ZNF385D: variants seen among roughly 807,000 people sequenced by gnomAD.
ZNF385D encodes zinc finger protein 385D, also known as zinc finger protein 659.
A neutral mutation model predicts 35.8 loss-of-function variants in ZNF385D; 15 were observed. The observed-to-expected ratio is 0.42, with a 90% CI of 0.28 to 0.64. The LOEUF (loss-of-function observed/expected upper bound fraction) is 0.64. Among genes scored for constraint, ZNF385D ranks in the 30% least tolerant of loss-of-function variants. The probability of loss-of-function intolerance (pLI) is 0.23; values close to 1 mark genes in which losing one functional copy is unlikely to be tolerated. For synonymous variants in ZNF385D, 212 were observed against 186.8 expected (o/e 1.13, Z -1.10); for missense variants, 474 against 494.6 (o/e 0.96, Z 0.39).
At chr3:21,600,155 G>A (rs1177427633) in intron 2 of ZNF385D, among the ~76,000 whole-genome samples, 1 of 152,132 alleles carries the variant, frequency 6.6e-6, no homozygotes, top group Non-Finnish European at 1.5e-5. Flanking sequence ...TCCAGCCCCT[G>A]TTTAGCATAA....
intron 3 of ZNF385D, among the ~76,000 whole-genome samples, chr3:21,994,717 T>C (rs1288914305): frequency 1.3e-5 from 2 of 152,232 alleles, no homozygotes; most frequent in Non-Finnish European, 1.5e-5. Context: ...TATAGATGTA[T>C]CAATAGTGCT....
At chr3:22,076,069 T>A (rs1054602157) in intron 3 of ZNF385D, among the ~76,000 whole-genome samples, 3 of 151,934 alleles carry the variant, frequency 2.0e-5, no homozygotes, top group Non-Finnish European at 2.9e-5. Flanking sequence ...TAAACTACTG[T>A]AATTTTTTTT....
chr3:22,121,467 T>C lies in ZNF385D; in HGVS notation c.325+47350A>G, dbSNP rs1181243572. Among the ~76,000 whole-genome samples, 3 of 152,174 alleles carry C rather than the reference T, an allele frequency of 2.0e-5. No homozygotes were observed. The East Asian group carries it at 5.8e-4, about 29-fold the overall frequency. ...AATATGATGTAAATGGAAAAAGGTA[T>C]TGATTAAAGAACCTTAAAATGGTAA... On this transcript the variant is annotated intron_variant, in intron 3 of 5. Coordinates refer to the ZNF385D transcript ENST00000494108.
At chr3:22,132,801 T>C (rs1025644729) in intron 3 of ZNF385D, among the ~76,000 whole-genome samples, 3 of 152,284 alleles carry the variant, frequency 2.0e-5, no homozygotes, top group African/African-American at 7.2e-5. Flanking sequence ...TATACTTAAT[T>C]GTGATTTCTT....
intron 1 of ZNF385D, among the ~76,000 whole-genome samples, chr3:21,746,062 A>AAC (rs1198035119): frequency 1.3e-5 from 2 of 152,146 alleles, no homozygotes; most frequent in Non-Finnish European, 1.5e-5. Flanking sequence ...TCCAGTATTA[A>AAC]ACACACACAC....
intron 3 of ZNF385D, among the ~76,000 whole-genome samples, chr3:21,855,732 A>C (rs1432868862): frequency 6.6e-6 from 1 of 152,082 alleles, no homozygotes; most frequent in African/African-American, 2.4e-5. Flanking sequence ...AGGTGATATT[A>C]AAGTAAATTT....
At chr3:22,344,087 A>G (rs1695542665) in intron 2 of ZNF385D, among the ~76,000 whole-genome samples, 1 of 151,794 alleles carries the variant, frequency 6.6e-6, no homozygotes, top group African/African-American at 2.4e-5. Context: ...TATATTGTAT[A>G]TCAGTCCTGT....
intron 3 of ZNF385D, among the ~76,000 whole-genome samples, chr3:21,964,861 T>C (rs775180690): frequency 2.0e-5 from 3 of 152,164 alleles, no homozygotes; most frequent in Non-Finnish European, 2.9e-5. Flanking sequence ...CTATTCTTAT[T>C]ATAAATATAT....
At chr3:22,044,766 C>A (rs1375305630) in intron 3 of ZNF385D, among the ~76,000 whole-genome samples, 1 of 151,866 alleles carries the variant, frequency 6.6e-6, no homozygotes, top group Non-Finnish European at 1.5e-5. Flanking sequence ...GTCTTTTCTT[C>A]CAAGATCTTC....
chr3:22,044,828 G>A (rs1399129438), intron 3 of ZNF385D, among the ~76,000 whole-genome samples: 4 of 152,026 alleles, frequency 2.6e-5, no homozygotes, highest in Admixed American at 6.6e-5. Context: ...TGAGAAATGG[G>A]AGGAGGAGAG....
intron 1 of ZNF385D, among the ~76,000 whole-genome samples, chr3:21,730,116 A>C (rs1292740620): frequency 6.6e-6 from 1 of 152,222 alleles, no homozygotes; most frequent in Non-Finnish European, 1.5e-5. Context: ...AGACACACGC[A>C]TCCAGGGATT....
chr3:21,725,547 A>G (rs1258170479), intron 1 of ZNF385D, among the ~76,000 whole-genome samples: 1 of 152,244 alleles, frequency 6.6e-6, no homozygotes, highest in African/African-American at 2.4e-5. Context: ...AGAGAACAGT[A>G]TAAACACTCC....
Position 22,046,241 on chromosome 3 carries a change from TTAGA to T in ZNF385D, c.325+122572_325+122575del, listed in dbSNP as rs140080076. 7.6e-3 allele frequency among the ~76,000 whole-genome samples: 1,161 copies of T among 152,218 alleles called. 31 individuals carry two copies. The highest frequency in any genetic ancestry group is 0.075 in the East Asian group (387 of 5,168). On this transcript the variant is annotated intron_variant, in intron 3 of 5. Transcript: ENST00000494108. ...AAGCACCAACACACATTTTTGTAGA[TTAGA>T]TAAACTTCTATTTTCTAAAACTGCT...
At chr3:21,706,280 T>A (rs1391137892) in intron 1 of ZNF385D, among the ~76,000 whole-genome samples, 4 of 152,086 alleles carry the variant, frequency 2.6e-5, no homozygotes, top group African/African-American at 9.7e-5. Context: ...TTTTTTTTCC[T>A]AATAGCTTGA....
chr3:22,189,850 G>C (rs1338163339), intron 2 of ZNF385D, among the ~76,000 whole-genome samples: 1 of 152,132 alleles, frequency 6.6e-6, no homozygotes, highest in Admixed American at 6.6e-5. Flanking sequence ...CTTGTGTCCT[G>C]TTGAAAGTGT....
chr3:21,756,941 T>C lies in ZNF385D; in HGVS notation c.326-91913A>G, dbSNP rs143938517. Among the ~76,000 whole-genome samples, 109 of 152,236 alleles carry C rather than the reference T, an allele frequency of 7.2e-4. 1 individual carries two copies. Among genetic ancestry groups the C allele is most frequent in the African/African-American group, 2.6e-3 (106 of 41,532 alleles). On this transcript the variant is annotated intron_variant, in intron 3 of 5. Coordinates refer to the ZNF385D transcript ENST00000494108. ...ACTGCTATAAACTCCTAAATCAATT[T>C]TATGACCAAATTCTTACTTGATGTT... is the stretch of plus-strand genomic sequence containing the variant.
intron 2 of ZNF385D, among the ~76,000 whole-genome samples, chr3:22,365,508 C>T (rs561092629): frequency 6.6e-6 from 1 of 151,946 alleles, no homozygotes; most frequent in Admixed American, 6.6e-5. Flanking sequence ...TTTTTGTTTG[C>T]AAACAAACTT....
intron 3 of ZNF385D, among the ~76,000 whole-genome samples, chr3:22,103,833 C>G (rs553859190): frequency 3.6e-4 from 54 of 151,968 alleles, no homozygotes; most frequent in Non-Finnish European, 6.2e-4. Context: ...AGGGGGGTGA[C>G]TTTACACGGA....
intron 3 of ZNF385D, among the ~76,000 whole-genome samples, chr3:22,158,124 T>A (rs1245911387): frequency 6.6e-6 from 1 of 152,104 alleles, no homozygotes; most frequent in African/African-American, 2.4e-5. Flanking sequence ...CTTGATCTCA[T>A]CAGGACATTC....
Sources: gnomAD v4.1 joint callset for allele counts (sites outside exome capture counted in the v4.1 genomes callset) on GRCh38, gnomAD v4.1.1 for gene constraint, MANE v1.5 for transcripts, NCBI Gene and HGNC (gene_info 2026-07-23, HGNC 2026-07-21) for gene names.